The following SLC4A10 variants were observed in gnomAD, a reference collection of about 807,000 sequenced individuals.
SLC4A10 encodes sodium-driven chloride bicarbonate exchanger.
Under a neutral mutation model 137.7 loss-of-function variants are expected in SLC4A10, and 42 were observed. That is an observed-to-expected ratio of 0.30 (90% CI 0.24 to 0.39). SLC4A10 has a LOEUF of 0.39. Among genes scored for constraint, SLC4A10 ranks in the 10% least tolerant of loss-of-function variants. The pLI is 1.00. For synonymous variants in SLC4A10, 474 were observed against 464.1 expected (o/e 1.02, Z -0.27); for missense variants, 925 against 1,355.0 (o/e 0.68, Z 4.98).
chr2:161,852,768 T>TA (rs1183194553), intron 4 of SLC4A10, among the ~76,000 whole-genome samples: 1 of 151,976 alleles, frequency 6.6e-6, no homozygotes, highest in African/African-American at 2.4e-5. Flanking sequence ...AACAAAATTT[T>TA]AAAAAAAACT....
intron 15 of SLC4A10, among the ~76,000 whole-genome samples, chr2:161,941,523 A>G (rs538063988): frequency 7.2e-5 from 11 of 152,272 alleles, no homozygotes; most frequent in African/African-American, 2.6e-4. Context: ...AAGCATTTAA[A>G]TATACTAAAA....
intron 6 of SLC4A10, among the ~76,000 whole-genome samples, chr2:161,864,540 T>G (rs2060622472): frequency 6.6e-6 from 1 of 152,146 alleles, no homozygotes; most frequent in Non-Finnish European, 1.5e-5. Flanking sequence ...ACAAAATCAT[T>G]TTTGAGATAG....
At chr2:161,763,600 A>G (rs1182421521) in intron 1 of SLC4A10, among the ~76,000 whole-genome samples, 4 of 152,252 alleles carry the variant, frequency 2.6e-5, no homozygotes, top group East Asian at 1.9e-4. Flanking sequence ...CTATAGCTAT[A>G]AAGGAGTCAT....
chr2:161,770,922 T>C (rs1450736218), intron 1 of SLC4A10, 51 bp from the exon 2 acceptor site: 40 of 1,331,400 alleles, frequency 3.0e-5, no homozygotes, highest in Non-Finnish European at 3.6e-5. Context: ...TTTTTTGAAA[T>C]TGAGATAATA....
At chr2:161,972,338 CT>C in intron 23 of SLC4A10, among the ~76,000 whole-genome samples, 2 of 152,270 alleles carry the variant, frequency 1.3e-5, no homozygotes, top group Middle Eastern at 3.4e-3. Context: ...TGCTCTGCCC[CT>C]GACCGCCAGG....
intron 1 of SLC4A10, among the ~76,000 whole-genome samples, chr2:161,660,557 T>TTTCTTTCTTTCTTTCG: frequency 4.5e-5 from 1 of 22,356 alleles, no homozygotes; most frequent in South Asian, 1.5e-3. Flanking sequence ...CTCATCTATA[T>TTTCTTTCTTTCTTTCG]TTCTTTCTTT....
At chr2:161,682,889 A>C (rs918655634) in intron 1 of SLC4A10, among the ~76,000 whole-genome samples, 1 of 152,188 alleles carries the variant, frequency 6.6e-6, no homozygotes, top group Non-Finnish European at 1.5e-5. Flanking sequence ...TCCTAAAGGC[A>C]TAGGCTCAGA....
At position 161,739,443 on chromosome 2, in the gene SLC4A10, A is replaced by G. The variant is rs563052978; in HGVS notation, c.49-31530A>G. The stretch of plus-strand genomic sequence containing the variant: ...GAGATTTTCTTGCCTACTATGGGAC[A>G]TTATGGGCTGTACAGTGTGTTCCTT... On this transcript the variant is annotated intron_variant, in intron 1 of 26. Transcript: ENST00000446997. Among the ~76,000 whole-genome samples, 310 of 152,304 alleles carry G rather than the reference A, an allele frequency of 2.0e-3. 1 individual carries two copies. Among genetic ancestry groups the G allele is most frequent in the African/African-American group, 7.0e-3 (291 of 41,566 alleles).
chr2:161,695,061 A>G (rs1247365903), intron 1 of SLC4A10, among the ~76,000 whole-genome samples: 1 of 152,094 alleles, frequency 6.6e-6, no homozygotes. Flanking sequence ...AATATGATGT[A>G]GTAATTACTT....
chr2:161,969,504 A>G (rs1480274637), intron 23 of SLC4A10, among the ~76,000 whole-genome samples: 1 of 152,168 alleles, frequency 6.6e-6, no homozygotes, highest in Non-Finnish European at 1.5e-5. Flanking sequence ...TTCCTACTTA[A>G]ATATTCTCTA....
intron 1 of SLC4A10, among the ~76,000 whole-genome samples, chr2:161,761,795 G>A (rs1489654477): frequency 1.3e-5 from 2 of 152,008 alleles, no homozygotes; most frequent in Non-Finnish European, 2.9e-5. Flanking sequence ...AGCATTGGAG[G>A]ACTTTCACCT....
intron 1 of SLC4A10, among the ~76,000 whole-genome samples, chr2:161,690,179 T>C (rs777575228): frequency 9.2e-5 from 14 of 152,022 alleles, no homozygotes; most frequent in Admixed American, 4.6e-4. Context: ...ATGTGGCCAA[T>C]AAACATATAA....
At chr2:161,682,693 A>G (rs918727884) in intron 1 of SLC4A10, among the ~76,000 whole-genome samples, 2 of 151,676 alleles carry the variant, frequency 1.3e-5, no homozygotes, top group African/African-American at 4.9e-5. Context: ...AGTTATCTGG[A>G]ATAGGGTGGG....
At chr2:161,693,177 A>G (rs1480869018) in intron 1 of SLC4A10, among the ~76,000 whole-genome samples, 1 of 152,094 alleles carries the variant, frequency 6.6e-6, no homozygotes, top group Admixed American at 6.6e-5. Context: ...TACGATTTCA[A>G]AACTTTAAAG....
At chr2:161,747,431 G>A (rs1259430621) in intron 1 of SLC4A10, among the ~76,000 whole-genome samples, 1 of 152,160 alleles carries the variant, frequency 6.6e-6, no homozygotes, top group Non-Finnish European at 1.5e-5. Flanking sequence ...GGGGATGGGG[G>A]AGGAGTTTTG....
At chr2:161,683,647 T>TA (rs1440228618) in intron 1 of SLC4A10, among the ~76,000 whole-genome samples, 1 of 152,206 alleles carries the variant, frequency 6.6e-6, no homozygotes, top group Non-Finnish European at 1.5e-5. Flanking sequence ...TGCTTTTAGG[T>TA]ACTTTATAGT....
At chr2:161,759,896 T>C (rs139695373) in intron 1 of SLC4A10, among the ~76,000 whole-genome samples, 24 of 152,150 alleles carry the variant, frequency 1.6e-4, no homozygotes, top group African/African-American at 5.5e-4. Flanking sequence ...CATATACTTC[T>C]AGAGTAACAA....
intron 26 of SLC4A10, among the ~76,000 whole-genome samples, chr2:161,978,277 C>T (rs1482380043): frequency 6.7e-6 from 1 of 148,782 alleles, no homozygotes; most frequent in Non-Finnish European, 1.5e-5. Context: ...ATCCCAGCTA[C>T]TTTGGAGGCT....
intron 4 of SLC4A10, among the ~76,000 whole-genome samples, chr2:161,840,649 G>T (rs921879208): frequency 2.6e-5 from 4 of 152,148 alleles, no homozygotes; most frequent in African/African-American, 9.7e-5. Flanking sequence ...GGATCTTGCA[G>T]TCTAATTTAG....
Sources: allele counts gnomAD v4.1 joint callset (sites outside exome capture counted in the v4.1 genomes callset), GRCh38; gene constraint gnomAD v4.1.1; transcripts MANE v1.5; gene names NCBI Gene and HGNC (gene_info 2026-07-23, HGNC 2026-07-21).